The following PRRC2B variants were observed in gnomAD, a reference collection of about 807,000 sequenced individuals.
The protein encoded by PRRC2B is proline rich coiled-coil 2B.
PRRC2B carries 68 observed loss-of-function variants against 242.3 expected under a neutral mutation model. The observed-to-expected ratio is 0.28, with a 90% CI of 0.23 to 0.34. PRRC2B has a LOEUF of 0.34. Ranked by LOEUF, PRRC2B falls within the 10% of genes least tolerant of loss-of-function variation. The pLI, the probability that PRRC2B is intolerant of heterozygous loss-of-function variation, is 1.00. For missense variants in PRRC2B, 2,835 were observed against 2,954.8 expected (o/e 0.96, Z 0.94); for synonymous variants, 1,228 against 1,173.6 (o/e 1.05, Z -0.95).
At chr9:131,409,036 T>TC (rs1022902433) in intron 1 of PRRC2B, among the ~76,000 whole-genome samples, 8 of 145,280 alleles carry the variant, frequency 5.5e-5, no homozygotes, top group Admixed American at 1.4e-4. Flanking sequence ...TTTTTTTTTT[T>TC]CCTGAGATGG....
At position 131,474,699 on chromosome 9, in the gene PRRC2B, C is replaced by A. The variant is rs1943637487; in HGVS notation, c.2570C>A (p.Pro857His). The stretch of plus-strand genomic sequence containing the variant: ...AACCTCAGGTGTTCCCCATTGGAGC[C>A]TGACTTTGTCCCAGATGAGAAAAAG... ...TQNLRCSPLE[P>H]DFVPDEKKPE... Residue 857 changes from proline (P) to histidine (H), a missense_variant, in exon 16 of 32, where the codon CCT becomes CAT. By Grantham distance (77) the Pro-to-His change is moderately conservative (BLOSUM62 -2). This residue lies in a region of PRRC2B where 1,536 missense variants were observed against 1,483.1 expected (regional missense o/e 1.04). Coordinates refer to ENST00000683519, the MANE Select transcript of PRRC2B (RefSeq NM_013318.4). 1.2e-6 allele frequency: 2 copies of A among 1,612,682 alleles called. No homozygotes were observed. The highest frequency in any genetic ancestry group is 2.7e-5 in the African/African-American group (2 of 74,922).
At position 131,385,681 on chromosome 9, in the gene PRRC2B, G is replaced by C. The variant is rs79514653; in HGVS notation, c.-56+11950G>C. ...CATGCCTGGCCCAGAAAAATGCTCA[G>C]TAAACAACAGCTATCCTCATTCTTT... is the stretch of plus-strand genomic sequence containing the variant. On this transcript the variant is annotated intron_variant, in intron 1 of 1. Transcript: ENST00000682525. 9.0e-3 allele frequency among the ~76,000 whole-genome samples: 1,360 copies of C among 150,700 alleles called. 40 individuals carry two copies. Among genetic ancestry groups the C allele is most frequent in the African/African-American group, 0.031 (1,289 of 41,392 alleles).
At chr9:131,431,892 A>G (rs914809412) in intron 2 of PRRC2B, among the ~76,000 whole-genome samples, 1 of 151,460 alleles carries the variant, frequency 6.6e-6, no homozygotes. Context: ...GGCCATCCTT[A>G]AAGAATTTTT....
At chr9:131,441,705 A>G (rs555042860) in intron 5 of PRRC2B, among the ~76,000 whole-genome samples, 3 of 152,208 alleles carry the variant, frequency 2.0e-5, no homozygotes, top group African/African-American at 7.2e-5. Context: ...TGTTGCCCAC[A>G]AGTGTTTTCA....
Position 131,452,264 on chromosome 9 carries a change from C to G in PRRC2B, c.1121-2812C>G, listed in dbSNP as rs543974222. On this transcript the variant is annotated intron_variant, in intron 9 of 31. Transcript: ENST00000683519. ...CTCCTGGGCTCAAGTGATCCTCCTGCCTCACCTTCTGAGTGGCTGGGGTTA... is the reference window on the plus strand; with the variant it reads ...CTCCTGGGCTCAAGTGATCCTCCTGGCTCACCTTCTGAGTGGCTGGGGTTA... Among the ~76,000 whole-genome samples the G allele has an allele frequency of 1.6e-3, 240 of 152,310 alleles. 4 individuals carry two copies. Among genetic ancestry groups the G allele is most frequent in the South Asian group, 3.9e-3 (19 of 4,830 alleles).
chr9:131,492,923 C>T (rs1944236719), intron 30 of PRRC2B, among the ~76,000 whole-genome samples: 1 of 152,208 alleles, frequency 6.6e-6, no homozygotes, highest in African/African-American at 2.4e-5. Flanking sequence ...GTACAGTCCA[C>T]CCTTGTTACA....
chr9:131,467,310 A>G (rs1339785020), intron 12 of PRRC2B, among the ~76,000 whole-genome samples: 2 of 152,148 alleles, frequency 1.3e-5, no homozygotes, highest in Non-Finnish European at 2.9e-5. Context: ...GTGACCCTGG[A>G]CGTCATCTAA....
chr9:131,420,493 CTTTTTTTTTTTTT>C (rs146073511), intron 1 of PRRC2B, among the ~76,000 whole-genome samples: 2 of 30,164 alleles, frequency 6.6e-5, no homozygotes, highest in East Asian at 1.6e-3. Context: ...TTCTTTCTTT[CTTTTTTTTTTTTT>C]TTTTGAGATG....
intron 16 of PRRC2B, among the ~76,000 whole-genome samples, chr9:131,477,388 G>T (rs1363374787): frequency 6.6e-6 from 1 of 152,216 alleles, no homozygotes; most frequent in Admixed American, 6.5e-5. Flanking sequence ...TCAGTTTTCT[G>T]CCCCAAGGGC....
intron 23 of PRRC2B, 26 bp from the exon 24 acceptor site, chr9:131,484,660 C>T (rs1943964610): frequency 1.3e-6 from 2 of 1,567,578 alleles, no homozygotes; most frequent in African/African-American, 1.4e-5. Context: ...GTTTGTGTTC[C>T]ATGGTTTCCT....
chr9:131,435,064 G>A (rs1838301854), intron 3 of PRRC2B, among the ~76,000 whole-genome samples: 1 of 152,098 alleles, frequency 6.6e-6, no homozygotes, highest in African/African-American at 2.4e-5. Context: ...TTGGGAGGCC[G>A]AGGAGGGTGG....
intron 1 of PRRC2B, among the ~76,000 whole-genome samples, chr9:131,424,369 A>G (rs1347874307): frequency 1.3e-5 from 2 of 152,146 alleles, no homozygotes; most frequent in African/African-American, 2.4e-5. Flanking sequence ...AGCGTGCCCA[A>G]CAAGTGCAAA....
intron 9 of PRRC2B, among the ~76,000 whole-genome samples, chr9:131,451,816 A>G (rs929180056): frequency 2.0e-5 from 3 of 151,832 alleles, no homozygotes; most frequent in African/African-American, 7.3e-5. Context: ...ATGATTTCCT[A>G]CATCTGTGTT....
rs1287642372 is a variant in PRRC2B at position 131,496,375 on chromosome 9, A to T, written c.*501A>T. On this transcript the variant is annotated 3_prime_UTR_variant, in exon 32 of 32. Transcript: ENST00000683519. The stretch of plus-strand genomic sequence containing the variant: ...GCTCCATGTGTATAGCTGAACTTTT[A>T]TATGTTTCTTGCCAGCCCCTCCGCT... 2 of 155,418 alleles carry T rather than the reference A, an allele frequency of 1.3e-5. No homozygotes were observed. The highest frequency in any genetic ancestry group is 2.9e-5 in the Non-Finnish European group (2 of 69,994). The allele number at this position is 155,418 out of a possible 1,614,324, so 9.6% of individuals were successfully genotyped here.
intron 9 of PRRC2B, among the ~76,000 whole-genome samples, chr9:131,452,149 CT>C (rs1435346042): frequency 6.6e-6 from 1 of 150,652 alleles, no homozygotes; most frequent in Non-Finnish European, 1.5e-5. Flanking sequence ...ATATATTTTT[CT>C]TTTTCTTTCT....
chr9:131,495,668 T>A (rs1372310686), intron 31 of PRRC2B, 72 bp from the exon 32 acceptor site: 3 of 1,518,616 alleles, frequency 2.0e-6, no homozygotes, highest in Admixed American at 1.8e-5. Context: ...AGGAAGGGAG[T>A]GGTGGGAACT....
At chr9:131,430,561 A>ATGGGTGTG (rs1838123784) in intron 2 of PRRC2B, among the ~76,000 whole-genome samples, 1 of 118,718 alleles carries the variant, frequency 8.4e-6, no homozygotes. Flanking sequence ...GTGTGTGTGT[A>ATGGGTGTG]TGTGTGTGTG....
At chr9:131,419,722 C>A (rs896575978) in intron 1 of PRRC2B, among the ~76,000 whole-genome samples, 1 of 152,032 alleles carries the variant, frequency 6.6e-6, no homozygotes, top group African/African-American at 2.4e-5. Flanking sequence ...TCTTAATCCA[C>A]GAGGAAATAG....
Position 131,481,803 on chromosome 9 carries a change from G to A in PRRC2B, c.4978G>A (p.Ala1660Thr). Reference sequence around the variant, plus strand: ...CTTCAGCAGCACCGAGACTGGCTCTGCGGAGGTGAGTGTGGCCGCTGCCCA... The same window carrying A: ...CTTCAGCAGCACCGAGACTGGCTCTACGGAGGTGAGTGTGGCCGCTGCCCA... ...TAFSSTETGSAEQGFKSSQGD... is the reference protein window; with the variant it reads ...TAFSSTETGSTEQGFKSSQGD... Residue 1660 changes from alanine (A) to threonine (T), a missense_variant, in exon 20 of 32, where the codon GCG becomes ACG. This residue lies in a region of PRRC2B where 38 missense variants were observed against 73.3 expected (regional missense o/e 0.52). Transcript: ENST00000683519. 6.4e-7 allele frequency: 1 copy of A among 1,556,562 alleles called. No individual in the cohort carries two copies. Among genetic ancestry groups the A allele is most frequent in the Non-Finnish European group, 8.7e-7 (1 of 1,152,832 alleles).
Sources: gnomAD v4.1 joint callset for allele counts (sites outside exome capture counted in the v4.1 genomes callset) on GRCh38, gnomAD v4.1.1 for gene constraint, gnomAD v4.1.1 regional missense constraint, MANE v1.5 for transcripts, NCBI Gene and HGNC (gene_info 2026-07-23, HGNC 2026-07-21) for gene names.